The following ZNF839 variants were observed in gnomAD, a reference collection of about 807,000 sequenced individuals.
ZNF839 encodes renal carcinoma antigen NY-REN-50.
In ZNF839, 38 loss-of-function variants were observed where a neutral mutation model predicts 56.4. The observed-to-expected ratio is 0.67, with a 90% CI of 0.52 to 0.88. The LOEUF (loss-of-function observed/expected upper bound fraction) is 0.88. Among genes scored for constraint, ZNF839 ranks in the 40% least tolerant of loss-of-function variants. The pLI is 0.00. For missense variants in ZNF839, 1,091 were observed against 1,177.6 expected (o/e 0.93, Z 1.08); for synonymous variants, 486 against 493.5 (o/e 0.98, Z 0.20).
intron 1 of ZNF839, among the ~76,000 whole-genome samples, chr14:102,322,659 G>T (rs1360592680): frequency 5.3e-5 from 8 of 152,142 alleles, no homozygotes; most frequent in Admixed American, 5.2e-4. Flanking sequence ...CGAACTCCCA[G>T]GCTCAAATGA....
Position 102,341,677 on chromosome 14 carries a change from CT to C in ZNF839, c.2283del (p.Pro764LeufsTer17). On this transcript the variant is annotated frameshift_variant, in exon 8 of 8. Coordinates refer to ENST00000442396, the MANE Select transcript of ZNF839 (RefSeq NM_018335.6). LOFTEE classifies it low-confidence loss of function (END_TRUNC). The part of the protein sequence containing the change: ...SSGGGAESLP[P>X]GGPGHAEAGH... ...GGTGGTGGAGCAGAGTCCCTGCCGC[CT>C]GGGGGGCCTGGACATGCAGAGGCAG... The C allele has an allele frequency of 6.2e-7, 1 of 1,614,004 alleles. No individual in the cohort carries two copies. Among genetic ancestry groups the C allele is most frequent in the Non-Finnish European group, 8.5e-7 (1 of 1,179,884 alleles).
At chr14:102,340,848 G>A (rs975005398) in intron 7 of ZNF839, among the ~76,000 whole-genome samples, 1 of 151,970 alleles carries the variant, frequency 6.6e-6, no homozygotes, top group Non-Finnish European at 1.5e-5. Context: ...GAGTCGGGTG[G>A]CTCACAAGGT....
chr14:102,325,796 A>G (rs2073376845), intron 1 of ZNF839, among the ~76,000 whole-genome samples, 189 bp from the exon 2 acceptor site: 1 of 152,152 alleles, frequency 6.6e-6, no homozygotes, highest in Admixed American at 6.6e-5. Flanking sequence ...AGCCCAGCTT[A>G]TATCACTGTG....
intron 3 of ZNF839, among the ~76,000 whole-genome samples, chr14:102,333,854 C>T (rs1050117152): frequency 6.6e-6 from 1 of 152,184 alleles, no homozygotes; most frequent in Non-Finnish European, 1.5e-5. Flanking sequence ...TGTCAGGGGC[C>T]GTTTCGCCTA....
chr14:102,338,430 C>G (rs1029359353), intron 5 of ZNF839, among the ~76,000 whole-genome samples: 4 of 150,390 alleles, frequency 2.7e-5, no homozygotes, highest in Non-Finnish European at 5.9e-5. Flanking sequence ...CCCAGCTACT[C>G]AGGAGGCTGA....
chr14:102,337,506 G>A (rs1257831498), intron 5 of ZNF839: 1 of 152,140 alleles, frequency 6.6e-6, no homozygotes, highest in Non-Finnish European at 1.5e-5. Context: ...AATGTAAAAG[G>A]TTTTTGCTAA....
At position 102,326,358 on chromosome 14, in the gene ZNF839, C is replaced by G; in HGVS notation, c.662C>G (p.Ser221Ter). Reference sequence around the variant, plus strand: ...GACCCGCTGGCAGTAACATCTCTTTCATCCAGTTCAGCACATCCATTTATT... The same window carrying G: ...GACCCGCTGGCAGTAACATCTCTTTGATCCAGTTCAGCACATCCATTTATT... ...ASDPLAVTSL[S>*]SSSAHPFISN... is the part of the protein sequence containing the mutation. The change falls in exon 2 of 8, where the codon TCA (serine) becomes TGA (stop). Residue 221 changes from serine (S) to a stop codon, truncating the protein, a stop_gained. Transcript: ENST00000442396. LOFTEE classifies it high-confidence loss of function. The surrounding 1 kb of genome is among the most constrained non-coding windows in gnomAD (Gnocchi z 4.3). 1 of 1,610,060 alleles carries G rather than the reference C, an allele frequency of 6.2e-7. No individual in the cohort carries two copies. The highest frequency in any genetic ancestry group is 1.1e-5 in the South Asian group (1 of 90,572).
intron 1 of ZNF839, among the ~76,000 whole-genome samples, chr14:102,322,484 T>A (rs1359600709): frequency 6.6e-6 from 1 of 152,242 alleles, no homozygotes; most frequent in African/African-American, 2.4e-5. Context: ...CCAGTGAGGA[T>A]AGAGGATAAA....
At chr14:102,319,738 C>T (rs1260289680), upstream of ZNF839, 29 of 1,227,636 alleles carry the variant, frequency 2.4e-5, no homozygotes, top group South Asian at 8.2e-5. The surrounding 1 kb of genome is among the most constrained non-coding windows in gnomAD (Gnocchi z 4.5). Flanking sequence ...GCTCAGCGAC[C>T]CGGGTTCGAG....
chr14:102,318,932 G>C (rs1277222459), upstream of ZNF839, among the ~76,000 whole-genome samples: 1 of 152,216 alleles, frequency 6.6e-6, no homozygotes, highest in Non-Finnish European at 1.5e-5. Context: ...AGGTGCTTAA[G>C]AAGGGTTTGT....
intron 1 of ZNF839, among the ~76,000 whole-genome samples, chr14:102,325,373 A>G (rs1172878320): frequency 6.6e-6 from 1 of 152,104 alleles, no homozygotes; most frequent in East Asian, 1.9e-4. Context: ...TAGAATAGAT[A>G]CAATCAGCGG....
At chr14:102,328,375 A>ATATATAT (rs1555442800) in intron 2 of ZNF839, among the ~76,000 whole-genome samples, 14 of 16,326 alleles carry the variant, frequency 8.6e-4, no homozygotes, top group East Asian at 5.9e-3. Context: ...AAAAAAAAAA[A>ATATATAT]ATATATATAT....
At position 102,331,746 on chromosome 14, in the gene ZNF839, G is replaced by A. The variant is rs751192717; in HGVS notation, c.1316G>A (p.Arg439His). The change falls in exon 3 of 8, where the codon CGC (arginine) becomes CAC (histidine). Residue 439 changes from arginine to histidine, a missense_variant. Coordinates refer to ENST00000442396, the MANE Select transcript of ZNF839 (RefSeq NM_018335.6). ...RACSETLAES[R>H]TAVLQQRRAA... ...TGCTCAGAGACCCTTGCAGAGTCCC[G>A]CACAGCTGTCCTCCAGCAGAGAAGA... 6.9e-6 allele frequency: 11 copies of A among 1,603,828 alleles called. No homozygotes were observed. Among genetic ancestry groups the A allele is most frequent in the East Asian group, 4.5e-5 (2 of 44,508 alleles).
In ZNF839 at chr14:102,323,510, A is replaced by G. The variant is rs148096091; in HGVS notation, c.289-2475A>G. ...GTTTCTGGCACGCGGTCAGTGCTCA[A>G]TAAATATTTGTGGGGTGTTATTGAA... On this transcript the variant is annotated intron_variant, in intron 1 of 7. Transcript: ENST00000442396. Among the ~76,000 whole-genome samples, 255 of 152,304 alleles carry G rather than the reference A, an allele frequency of 1.7e-3. 1 individual carries two copies. The highest frequency in any genetic ancestry group is 5.9e-3 in the African/African-American group (244 of 41,560).
At chr14:102,340,705 T>G (rs1022805873) in intron 7 of ZNF839, among the ~76,000 whole-genome samples, 9 of 152,124 alleles carry the variant, frequency 5.9e-5, no homozygotes, top group African/African-American at 2.2e-4. Flanking sequence ...TGTGAGTATT[T>G]GGAAAGGCCT....
intron 4 of ZNF839, 96 bp downstream of exon 4, chr14:102,334,742 T>G (rs2139558548): frequency 1.6e-6 from 1 of 631,882 alleles, no homozygotes; most frequent in South Asian, 3.4e-5. Context: ...ATAGCCTGCA[T>G]AGTTGTTAAT....
At chr14:102,335,490 C>T (rs913041797) in intron 4 of ZNF839, 199 bp from the exon 5 acceptor site, 31 of 558,088 alleles carry the variant, frequency 5.6e-5, no homozygotes, top group African/African-American at 3.1e-4. Flanking sequence ...GTTTCTTGGC[C>T]TGCTCCTCCC....
chr14:102,342,146 T>G lies in ZNF839; in HGVS notation c.2751T>G (p.Asp917Glu). The G allele has an allele frequency of 1.2e-6, 2 of 1,612,024 alleles. No individual in the cohort carries two copies. Among genetic ancestry groups the G allele is most frequent in the East Asian group, 4.5e-5 (2 of 44,824 alleles). The change falls in exon 8 of 8, where the codon GAT (aspartate) becomes GAG (glutamate). Residue 917 changes from aspartate (D) to glutamate (E), a missense_variant. This residue lies in a region of ZNF839 where 431 missense variants were observed against 468.0 expected (regional missense o/e 0.92). Transcript: ENST00000442396. ...AGGAGGACATTGTCACAGTGACTGATGCAGAGGGGCGTGCCTGCGGATGGG... is the reference window on the plus strand; with the variant it reads ...AGGAGGACATTGTCACAGTGACTGAGGCAGAGGGGCGTGCCTGCGGATGGG... The part of the protein sequence containing the change: ...SQEEDIVTVT[D>E]AEGRACGWAR
intron 1 of ZNF839, among the ~76,000 whole-genome samples, chr14:102,323,090 G>C (rs1394344397): frequency 6.6e-6 from 1 of 152,210 alleles, no homozygotes; most frequent in Non-Finnish European, 1.5e-5. Flanking sequence ...TGACATTTTT[G>C]TTGATGCTCC....
Sources: gnomAD v4.1 joint callset for allele counts (sites outside exome capture counted in the v4.1 genomes callset) on GRCh38, gnomAD v4.1.1 for gene constraint, gnomAD v4.1.1 regional missense constraint, Gnocchi (gnomAD v3.1) non-coding constraint, MANE v1.5 for transcripts, NCBI Gene and HGNC (gene_info 2026-07-23, HGNC 2026-07-21) for gene names.